Variants in SLC39A11 observed in about 807,000 individuals in gnomAD.
SLC39A11 encodes zinc transporter ZIP11.
A neutral mutation model predicts 36.1 loss-of-function variants in SLC39A11; 33 were observed. That is an observed-to-expected ratio of 0.91 (90% CI 0.69 to 1.22). The LOEUF is 1.22. Ranked by LOEUF, SLC39A11 falls within the 50% of genes most tolerant of loss-of-function variation. SLC39A11 has a pLI of 0.00. For missense variants in SLC39A11, 432 were observed against 430.3 expected (o/e 1.00, Z -0.03); for synonymous variants, 166 against 170.3 (o/e 0.97, Z 0.20).
intron 4 of SLC39A11, among the ~76,000 whole-genome samples, chr17:73,009,700 T>C (rs1037403422): frequency 2.6e-5 from 4 of 152,224 alleles, no homozygotes; most frequent in East Asian, 1.9e-4. Flanking sequence ...CCATTTAAAA[T>C]TGTTAATTTT....
At chr17:72,715,990 C>A (rs957364920) in intron 7 of SLC39A11, among the ~76,000 whole-genome samples, 16 of 152,136 alleles carry the variant, frequency 1.1e-4, no homozygotes, top group Non-Finnish European at 2.2e-4. Flanking sequence ...AGCCACCGTG[C>A]CCGGCCAAAA....
At chr17:73,058,422 TGTGATAGGAGTTA>T (rs1232665333) in intron 3 of SLC39A11, among the ~76,000 whole-genome samples, 1 of 152,214 alleles carries the variant, frequency 6.6e-6, no homozygotes, top group Non-Finnish European at 1.5e-5. Context: ...TCTCGTCTCC[TGTGATAGGAGTTA>T]ATCTTGGCCG....
intron 5 of SLC39A11, among the ~76,000 whole-genome samples, chr17:72,916,548 T>C (rs528404406): frequency 1.3e-5 from 2 of 152,190 alleles, no homozygotes; most frequent in African/African-American, 4.8e-5. Flanking sequence ...TTCCAGGATG[T>C]CACTGTAGGA....
chr17:72,842,690 G>A (rs1325193134), intron 6 of SLC39A11, among the ~76,000 whole-genome samples: 1 of 152,206 alleles, frequency 6.6e-6, no homozygotes, highest in Non-Finnish European at 1.5e-5. Context: ...AAAAAACCAT[G>A]TTGTTTCCTC....
At chr17:73,071,376 C>T (rs2144525370) in intron 3 of SLC39A11, among the ~76,000 whole-genome samples, 1 of 152,346 alleles carries the variant, frequency 6.6e-6, no homozygotes, top group Non-Finnish European at 1.5e-5. Flanking sequence ...ACTTCACTTG[C>T]AAAGCCAGCC....
At chr17:72,730,343 G>T (rs962474757) in intron 7 of SLC39A11, among the ~76,000 whole-genome samples, 4 of 152,068 alleles carry the variant, frequency 2.6e-5, no homozygotes, top group African/African-American at 9.7e-5. Flanking sequence ...CCCTTATCTG[G>T]CTTTCTGCCT....
At chr17:73,031,006 A>G (rs750529933) in intron 4 of SLC39A11, among the ~76,000 whole-genome samples, 2 of 152,230 alleles carry the variant, frequency 1.3e-5, no homozygotes, top group Non-Finnish European at 2.9e-5. Context: ...TTTACTGTAC[A>G]GTCCTTCGGG....
chr17:72,878,160 T>C (rs1047372142), intron 5 of SLC39A11, among the ~76,000 whole-genome samples: 2 of 152,112 alleles, frequency 1.3e-5, no homozygotes, highest in African/African-American at 4.8e-5. Flanking sequence ...CATCATTTTT[T>C]ATGGCTGCAT....
At chr17:72,841,778 C>G (rs896329427) in intron 6 of SLC39A11, among the ~76,000 whole-genome samples, 17 of 152,150 alleles carry the variant, frequency 1.1e-4, no homozygotes, top group African/African-American at 4.1e-4. Context: ...ATATTTCATG[C>G]AGGCCAGGCG....
chr17:73,059,112 C>G (rs147743945), intron 3 of SLC39A11, among the ~76,000 whole-genome samples: 149 of 152,218 alleles, frequency 9.8e-4, no homozygotes, highest in African/African-American at 3.5e-3. Flanking sequence ...AATACTAGAA[C>G]ATTAACTGCT....
At chr17:72,961,912 T>G (rs56244548) in intron 4 of SLC39A11, among the ~76,000 whole-genome samples, 8,057 of 152,214 alleles carry the variant, frequency 0.053, 730 homozygotes, top group African/African-American at 0.18. Context: ...AGAAATAGTA[T>G]GCAAATGGTA....
intron 7 of SLC39A11, among the ~76,000 whole-genome samples, chr17:72,663,585 T>C (rs1165760779): frequency 6.6e-6 from 1 of 152,072 alleles, no homozygotes; most frequent in South Asian, 2.1e-4. Flanking sequence ...TTTATATAGA[T>C]AGTTGAGGCA....
At chr17:73,033,690 C>CTA (rs762535961) in intron 3 of SLC39A11, among the ~76,000 whole-genome samples, 14 of 152,358 alleles carry the variant, frequency 9.2e-5, no homozygotes, top group Non-Finnish European at 1.8e-4. Flanking sequence ...CCCATCGTAA[C>CTA]TATACGGCAG....
intron 5 of SLC39A11, among the ~76,000 whole-genome samples, chr17:72,908,212 T>G (rs893269928): frequency 6.6e-6 from 1 of 152,222 alleles, no homozygotes; most frequent in South Asian, 2.1e-4. Flanking sequence ...CTCTGCCTCC[T>G]GGGATGTTAA....
intron 6 of SLC39A11, chr17:72,839,148 C>T (rs374715036): frequency 2.6e-5 from 4 of 152,114 alleles, no homozygotes; most frequent in African/African-American, 9.7e-5. Flanking sequence ...CAGGGTGAGA[C>T]TAAGACTCCA....
chr17:73,008,613 TCAAA>T (rs1313993927), intron 4 of SLC39A11, among the ~76,000 whole-genome samples: 2 of 152,096 alleles, frequency 1.3e-5, no homozygotes, highest in East Asian at 1.9e-4. Context: ...AAAACGGTGC[TCAAA>T]CAAATCCTTG....
intron 6 of SLC39A11, among the ~76,000 whole-genome samples, chr17:72,767,672 A>G (rs146050424): frequency 6.6e-6 from 1 of 152,300 alleles, no homozygotes; most frequent in East Asian, 1.9e-4. Flanking sequence ...AGCTGTGGTT[A>G]AGGAATGCCT....
intron 4 of SLC39A11, among the ~76,000 whole-genome samples, chr17:72,990,796 A>G (rs992719681): frequency 2.6e-5 from 4 of 151,986 alleles, no homozygotes; most frequent in Admixed American, 2.0e-4. Context: ...CTTACAGTGT[A>G]TATATATATA....
intron 5 of SLC39A11, among the ~76,000 whole-genome samples, chr17:72,878,428 TG>T (rs540095177): frequency 3.4e-3 from 513 of 152,352 alleles, no homozygotes; most frequent in Non-Finnish European, 5.7e-3. Context: ...GCCTTCTTGC[TG>T]TGAACACACC....
Sources: allele counts gnomAD v4.1 joint callset (sites outside exome capture counted in the v4.1 genomes callset), GRCh38; gene constraint gnomAD v4.1.1; transcripts MANE v1.5; gene names NCBI Gene and HGNC (gene_info 2026-07-23, HGNC 2026-07-21).